ANKRD27: variants seen among roughly 807,000 people sequenced by gnomAD.
ANKRD27 encodes the protein ankyrin repeat domain-containing protein 27.
In ANKRD27, 112 loss-of-function variants were observed where a neutral mutation model predicts 129.7. That is an observed-to-expected ratio of 0.86 (90% CI 0.74 to 1.01). The LOEUF (loss-of-function observed/expected upper bound fraction) is 1.01, where lower values mean the gene tolerates loss of function less well. Ranked by LOEUF, ANKRD27 falls within the 50% of genes least tolerant of loss-of-function variation. The pLI, the probability that ANKRD27 is intolerant of heterozygous loss-of-function variation, is 0.00. For missense variants in ANKRD27, 1,258 were observed against 1,300.5 expected, an observed-to-expected ratio of 0.97 and a Z score of 0.50; for synonymous variants, 516 against 511.2, an observed-to-expected ratio of 1.01 and a Z score of -0.13.
chr19:32,649,763 C>A lies in ANKRD27; in HGVS notation c.132G>T (p.Ser44=), dbSNP rs750364058. 57 of 1,613,872 alleles carry A rather than the reference C, an allele frequency of 3.5e-5. No homozygotes were observed. Among genetic ancestry groups the A allele is most frequent in the Non-Finnish European group, 4.8e-5 (57 of 1,179,952 alleles). The change falls in exon 3 of 29, where the codon TCG becomes TCT. Residue 44 remains serine (S), a synonymous_variant. Coordinates refer to ENST00000306065, the MANE Select transcript of ANKRD27 (RefSeq NM_032139.3). ...ACTGACAAGTAGACTGGATGCTGCTCGACAGGCTTCCTTTGCAGGGTACTA... is the reference window on the plus strand; with the variant it reads ...ACTGACAAGTAGACTGGATGCTGCTAGACAGGCTTCCTTTGCAGGGTACTA... ...IVLVPCKGSL[S]SSIQSTCQFE...
rs1555742754 is a variant in ANKRD27, at chr19:32,628,146, C to T, written c.1357G>A (p.Val453Ile). ...TCGTCTCTGGAGAATGGAGTGACAA[C>T]TGAGGGATCATTCAACCTCCTAAAA... ...LVSGRLNDPS[V>I]VTPFSRDDRG... Residue 453 changes from valine to isoleucine, a missense_variant, in exon 15 of 29, where the codon GTT (valine) becomes ATT (isoleucine). Coordinates refer to ENST00000306065, the MANE Select transcript of ANKRD27 (RefSeq NM_032139.3). 1 of 1,614,056 alleles carries T rather than the reference C, an allele frequency of 6.2e-7. No homozygotes were observed. Among genetic ancestry groups the T allele is most frequent in the Non-Finnish European group, 8.5e-7 (1 of 1,179,998 alleles).
At chr19:32,664,432 C>A (rs189875568) in intron 1 of ANKRD27, among the ~76,000 whole-genome samples, 4 of 151,430 alleles carry the variant, frequency 2.6e-5, no homozygotes, top group Middle Eastern at 3.4e-3. Context: ...AGACCCTGGC[C>A]AACATCATGA....
intron 2 of ANKRD27, among the ~76,000 whole-genome samples, chr19:32,651,560 C>T (rs1389743450): frequency 5.9e-5 from 9 of 152,072 alleles, no homozygotes; most frequent in African/African-American, 1.9e-4. Flanking sequence ...TTAGTAGAGA[C>T]GGGGTTTCAC....
Position 32,607,742 on chromosome 19 carries a change from G to A in ANKRD27, c.2266C>T (p.Arg756Trp), listed in dbSNP as rs578183468. 5.7e-4 allele frequency: 923 copies of A among 1,612,788 alleles called. 15 individuals are homozygous for A. In the South Asian group the frequency reaches 9.6e-3, roughly 17 times the overall value. ...SPLHVAALHG[R>W]ADLIPLLLKH... ...AGCAGGAGGGGGATGAGGTCCGCCC[G>A]GCCGTGCAGGGCGGCGACATGCAGC... The change falls in exon 23 of 29, where the codon CGG becomes TGG. Residue 756 changes from arginine (R) to tryptophan (W), a missense_variant. Physicochemically the swap from Arg to Trp is moderately radical, Grantham distance 101. Coordinates refer to ENST00000306065, the MANE Select transcript of ANKRD27 (RefSeq NM_032139.3).
chr19:32,615,636 A>G (rs770548113), intron 22 of ANKRD27, 22 bp downstream of exon 22: 5 of 1,613,964 alleles, frequency 3.1e-6, no homozygotes, highest in Admixed American at 1.7e-5. Flanking sequence ...CCTGACCTCC[A>G]CCAACAGAAA....
chr19:32,666,648 T>C (rs867724357), intron 1 of ANKRD27, among the ~76,000 whole-genome samples: 2 of 148,130 alleles, frequency 1.4e-5, no homozygotes, highest in South Asian at 2.2e-4. Context: ...TCTATTTTTT[T>C]TTTTTTTTTT....
At chr19:32,626,853 G>T in intron 15 of ANKRD27, 26 bp from the exon 16 acceptor site, 1 of 1,546,982 alleles carries the variant, frequency 6.5e-7, no homozygotes, top group Non-Finnish European at 8.8e-7. Context: ...ACGTCACGAT[G>T]GAGAAGGAAG....
Position 32,611,651 on chromosome 19 carries a change from G to A in ANKRD27, c.2176-3819C>T, listed in dbSNP as rs563122175. Among the ~76,000 whole-genome samples, 401 of 152,164 alleles carry A rather than the reference G, an allele frequency of 2.6e-3. 2 individuals carry two copies. The highest frequency in any genetic ancestry group is 9.0e-3 in the African/African-American group (372 of 41,520). ...GGCTAGAGTGCAATGGCACGATCTCGGCTCACCGCAACCTCCGCCTCCTGG... is the reference window on the plus strand; with the variant it reads ...GGCTAGAGTGCAATGGCACGATCTCAGCTCACCGCAACCTCCGCCTCCTGG... On this transcript the variant is annotated intron_variant, in intron 22 of 28. Transcript: ENST00000306065.
chr19:32,667,174 G>A (rs1483316278), intron 1 of ANKRD27, among the ~76,000 whole-genome samples: 1 of 152,218 alleles, frequency 6.6e-6, no homozygotes, highest in Non-Finnish European at 1.5e-5. Flanking sequence ...CCCAGGGGGC[G>A]CAGCTCTGTG....
rs768298079 is a variant in ANKRD27, at chr19:32,628,168, A to T, written c.1338-3T>A. The T allele has an allele frequency of 3.1e-6, 5 of 1,613,250 alleles. No homozygotes were observed. The highest frequency in any genetic ancestry group is 4.2e-6 in the Non-Finnish European group (5 of 1,179,178). On this transcript the variant is annotated splice_polypyrimidine_tract_variant and splice_region_variant and intron_variant, in intron 14 of 28. Coordinates refer to ENST00000306065, the MANE Select transcript of ANKRD27 (RefSeq NM_032139.3). ...CAACTGAGGGATCATTCAACCTCCTAAAATACAGAAAGAGATAGAAAACTA... is the reference window on the plus strand; with the variant it reads ...CAACTGAGGGATCATTCAACCTCCTTAAATACAGAAAGAGATAGAAAACTA...
At chr19:32,631,143 C>T (rs1439204083) in intron 13 of ANKRD27, among the ~76,000 whole-genome samples, 3 of 152,038 alleles carry the variant, frequency 2.0e-5, no homozygotes, top group East Asian at 1.9e-4. Flanking sequence ...CTCAGCCTCC[C>T]GAATAGTGAG....
At chr19:32,616,244 CCCT>C (rs1359895203) in intron 21 of ANKRD27, among the ~76,000 whole-genome samples, 1 of 152,104 alleles carries the variant, frequency 6.6e-6, no homozygotes, top group African/African-American at 2.4e-5. Flanking sequence ...GCACCTCACT[CCCT>C]CCTCCATTAA....
chr19:32,666,219 G>A lies in ANKRD27; in HGVS notation c.-30-7174C>T, dbSNP rs755984107. 2.0e-5 allele frequency: 3 copies of A among 152,178 alleles called. No homozygotes were observed. The East Asian group carries it at 5.8e-4, about 29-fold the overall frequency. The allele number at this position is 152,178 out of a possible 1,614,324, so 9.4% of individuals were successfully genotyped here. ...AGACTTTGCTGCTGTTGTGAAAGGG[G>A]TTGCTAAAATTAGATTGCTTATTTT... is the stretch of plus-strand genomic sequence containing the variant. On this transcript the variant is annotated intron_variant, in intron 1 of 28. Transcript: ENST00000306065.
At chr19:32,617,887 TG>T (rs1193715607) in intron 20 of ANKRD27, among the ~76,000 whole-genome samples, 1 of 151,970 alleles carries the variant, frequency 6.6e-6, no homozygotes, top group Non-Finnish European at 1.5e-5. Flanking sequence ...CCCTAGTAGC[TG>T]GGATTACAGG....
chr19:32,636,413 G>A (rs1967090001), intron 12 of ANKRD27: 1 of 152,138 alleles, frequency 6.6e-6, no homozygotes, highest in Non-Finnish European at 1.5e-5. Context: ...AGCAGTTAAG[G>A]ACTTTGGCAA....
chr19:32,623,961 T>C (rs1228960051), intron 17 of ANKRD27, among the ~76,000 whole-genome samples: 1 of 152,128 alleles, frequency 6.6e-6, no homozygotes, highest in East Asian at 1.9e-4. Context: ...ACCACAGCTG[T>C]GAGTGCGACT....
chr19:32,602,665 G>C (rs909873006), intron 25 of ANKRD27, among the ~76,000 whole-genome samples: 1 of 151,894 alleles, frequency 6.6e-6, no homozygotes, highest in Admixed American at 6.6e-5. Context: ...AGGCCGAGGC[G>C]GGTGGATTGC....
At chr19:32,621,666 A>G (rs1972011901) in intron 18 of ANKRD27, among the ~76,000 whole-genome samples, 1 of 152,214 alleles carries the variant, frequency 6.6e-6, no homozygotes, top group Non-Finnish European at 1.5e-5. Context: ...GTAAAAAGGC[A>G]GAAAGTCAGG....
intron 25 of ANKRD27, 130 bp from the exon 26 acceptor site, chr19:32,602,256 G>C (rs539301783): frequency 1.6e-6 from 1 of 626,150 alleles, no homozygotes; most frequent in South Asian, 2.0e-5. Context: ...TACAAATGGA[G>C]CTTGGAGGCC....
Sources: allele counts gnomAD v4.1 joint callset (sites outside exome capture counted in the v4.1 genomes callset), GRCh38; gene constraint gnomAD v4.1.1; transcripts MANE v1.5; gene names NCBI Gene and HGNC (gene_info 2026-07-23, HGNC 2026-07-21).